Variants in SUCLG2 observed in about 807,000 individuals in gnomAD.
SUCLG2 encodes succinate--CoA ligase [GDP-forming] subunit beta, mitochondrial.
Under a neutral mutation model 47.9 loss-of-function variants are expected in SUCLG2, and 42 were observed. The ratio of observed to expected loss-of-function variants is 0.88; its 90% confidence interval spans 0.69 to 1.14. The LOEUF (loss-of-function observed/expected upper bound fraction) is 1.14, where lower values mean the gene tolerates loss of function less well. SUCLG2 is among the 50% of genes most tolerant of loss of function. The pLI is 0.00. For synonymous variants in SUCLG2, 195 were observed against 197.3 expected (o/e 0.99, Z 0.10); for missense variants, 571 against 525.9 (o/e 1.09, Z -0.84).
intron 9 of SUCLG2, among the ~76,000 whole-genome samples, chr3:67,471,414 T>G (rs889592989): frequency 6.6e-6 from 1 of 152,154 alleles, no homozygotes; most frequent in African/African-American, 2.4e-5. Context: ...TTAATGACAT[T>G]AGGACATCAC....
intron 2 of SUCLG2, among the ~76,000 whole-genome samples, chr3:67,563,083 GTTTA>G (rs976186874): frequency 6.7e-5 from 10 of 148,644 alleles, no homozygotes; most frequent in East Asian, 1.9e-4. Flanking sequence ...TTCTATTATA[GTTTA>G]TTTATAATTT....
chr3:67,499,949 T>C (rs977127608), intron 7 of SUCLG2, among the ~76,000 whole-genome samples: 4 of 152,098 alleles, frequency 2.6e-5, no homozygotes, highest in Non-Finnish European at 4.4e-5. Flanking sequence ...GCCAGGATGG[T>C]CTCGATCTCC....
chr3:67,368,874 G>A (rs1395269847), intron 10 of SUCLG2, among the ~76,000 whole-genome samples: 4 of 152,130 alleles, frequency 2.6e-5, no homozygotes, highest in Admixed American at 6.5e-5. Context: ...CCAAAGTGCT[G>A]GGATTACAGG....
At chr3:67,616,176 T>G (rs891500706) in intron 1 of SUCLG2, among the ~76,000 whole-genome samples, 1 of 152,062 alleles carries the variant, frequency 6.6e-6, no homozygotes, top group Non-Finnish European at 1.5e-5. Context: ...AGTTACAACA[T>G]GGGGGATGTC....
intron 9 of SUCLG2, among the ~76,000 whole-genome samples, chr3:67,468,348 A>G (rs532647318): frequency 6.6e-6 from 1 of 152,346 alleles, no homozygotes; most frequent in African/African-American, 2.4e-5. Context: ...ACTCTTCTGC[A>G]GTGCAACTTT....
intron 1 of SUCLG2, among the ~76,000 whole-genome samples, chr3:67,649,897 T>A (rs1189251260): frequency 6.6e-6 from 1 of 152,226 alleles, no homozygotes; most frequent in Admixed American, 6.5e-5. Flanking sequence ...TCAGTGACTT[T>A]CTGGGCTTTG....
intron 9 of SUCLG2, among the ~76,000 whole-genome samples, chr3:67,487,519 A>ACACAC (rs1412826836): frequency 1.7e-5 from 1 of 58,394 alleles, no homozygotes; most frequent in Non-Finnish European, 3.8e-5. Context: ...CACACACACA[A>ACACAC]ACACACACAC....
At chr3:67,568,759 C>A (rs959395440) in intron 2 of SUCLG2, among the ~76,000 whole-genome samples, 8 of 152,178 alleles carry the variant, frequency 5.3e-5, no homozygotes, top group African/African-American at 1.7e-4. Flanking sequence ...TGGTAGCGGG[C>A]GCCTGTAGTC....
chr3:67,654,575 G>A lies in SUCLG2; in HGVS notation c.12C>T (p.Pro4=), dbSNP rs1406342724. Residue 4 remains proline (P), a synonymous_variant, in exon 1 of 11, where the codon CCC becomes CCT. Coordinates refer to ENST00000307227, the MANE Select transcript of SUCLG2 (RefSeq NM_003848.4). The part of the protein sequence containing the change: MAS[P]VAAQAGKLLR... ...GAAGCTTCCCGGCCTGCGCTGCTAC[G>A]GGGGACGCCATCTTAAACAGGAAAC... 2 of 1,274,652 alleles carry A rather than the reference G, an allele frequency of 1.6e-6. No homozygotes were observed. 79.0% of individuals were successfully genotyped at this position (1,274,652 alleles called of 1,614,324 possible).
intron 6 of SUCLG2, among the ~76,000 whole-genome samples, chr3:67,515,766 T>C (rs1705927712): frequency 6.6e-6 from 1 of 152,168 alleles, no homozygotes. Context: ...CTAGAGCATT[T>C]CACTAATCCC....
intron 9 of SUCLG2, among the ~76,000 whole-genome samples, chr3:67,401,521 T>A (rs1364354854): frequency 2.0e-5 from 3 of 147,688 alleles, no homozygotes; most frequent in Non-Finnish European, 3.0e-5. Context: ...TTTAAACCCA[T>A]CACCCATCAT....
chr3:67,447,897 T>G (rs1703963189), intron 9 of SUCLG2, among the ~76,000 whole-genome samples: 1 of 152,104 alleles, frequency 6.6e-6, no homozygotes, highest in Non-Finnish European at 1.5e-5. Flanking sequence ...GCCGGCTAAT[T>G]TTTGTATTTT....
chr3:67,416,031 T>C (rs551356663), intron 9 of SUCLG2, among the ~76,000 whole-genome samples: 1 of 152,234 alleles, frequency 6.6e-6, no homozygotes. Context: ...TCAGGCCTCC[T>C]ACCAACTGCC....
At chr3:67,621,670 A>C (rs1019897436) in intron 1 of SUCLG2, among the ~76,000 whole-genome samples, 1 of 152,170 alleles carries the variant, frequency 6.6e-6, no homozygotes, top group African/African-American at 2.4e-5. Flanking sequence ...CTTTCTAAGA[A>C]AAAGAAGAGA....
intron 10 of SUCLG2, among the ~76,000 whole-genome samples, chr3:67,361,543 G>A (rs948256973): frequency 5.9e-5 from 9 of 152,142 alleles, no homozygotes; most frequent in African/African-American, 2.2e-4. Context: ...GGAGACAGAC[G>A]AGACAGATTT....
At chr3:67,534,768 CAAAAAAAAAAAA>C (rs60612549) in intron 2 of SUCLG2, among the ~76,000 whole-genome samples, 115 of 34,944 alleles carry the variant, frequency 3.3e-3, no homozygotes, top group Non-Finnish European at 4.7e-3. Flanking sequence ...ACACTGATGG[CAAAAAAAAAAAA>C]AAAAAAAAAA....
chr3:67,405,567 T>G (rs573655959), intron 9 of SUCLG2, among the ~76,000 whole-genome samples: 166 of 152,316 alleles, frequency 1.1e-3, no homozygotes, highest in Non-Finnish European at 2.0e-3. Context: ...CTACAGGATA[T>G]GGCCTCCAAG....
intron 2 of SUCLG2, among the ~76,000 whole-genome samples, chr3:67,584,165 G>A (rs181167361): frequency 1.3e-5 from 2 of 152,056 alleles, no homozygotes; most frequent in Non-Finnish European, 2.9e-5. Context: ...TCTACCAATT[G>A]GTAAATGGAC....
intron 2 of SUCLG2, among the ~76,000 whole-genome samples, chr3:67,544,984 G>A (rs940432370): frequency 3.3e-5 from 5 of 152,082 alleles, no homozygotes; most frequent in African/African-American, 7.2e-5. Context: ...ACTTTTAAGA[G>A]CTCTAATAAT....
Sources: gnomAD v4.1 joint callset for allele counts (sites outside exome capture counted in the v4.1 genomes callset) on GRCh38, gnomAD v4.1.1 for gene constraint, MANE v1.5 for transcripts, NCBI Gene and HGNC (gene_info 2026-07-23, HGNC 2026-07-21) for gene names.